Variants in BICD1 observed in about 807,000 individuals in gnomAD.
BICD1 encodes the protein protein bicaudal D homolog 1.
BICD1 carries 35 observed loss-of-function variants against 92.5 expected under a neutral mutation model. The observed-to-expected ratio is 0.38, with a 90% confidence interval of 0.29 to 0.50. The LOEUF (loss-of-function observed/expected upper bound fraction) is 0.50. BICD1 is among the 20% of genes least tolerant of loss of function. BICD1 has a pLI of 0.93. For missense variants in BICD1, 950 were observed against 1,189.8 expected (o/e 0.80, Z 2.97); for synonymous variants, 429 against 465.1 (o/e 0.92, Z 1.00).
intron 1 of BICD1, among the ~76,000 whole-genome samples, chr12:32,128,425 C>T (rs1464024565): frequency 2.6e-5 from 4 of 152,050 alleles, no homozygotes; most frequent in African/African-American, 9.7e-5. Context: ...GAATAAATGC[C>T]TGTACTAATT....
chr12:32,216,885 G>A (rs928560304), intron 2 of BICD1, among the ~76,000 whole-genome samples: 28 of 152,308 alleles, frequency 1.8e-4, no homozygotes, highest in African/African-American at 6.7e-4. Flanking sequence ...GACAGCCTAG[G>A]CGAGTGTCCT....
chr12:32,255,966 T>C (rs1346555028), intron 2 of BICD1, among the ~76,000 whole-genome samples: 2 of 152,200 alleles, frequency 1.3e-5, no homozygotes, highest in African/African-American at 4.8e-5. Context: ...TTAATTATTA[T>C]TAATTTATCA....
At chr12:32,336,071 C>G (rs941463273) in intron 6 of BICD1, among the ~76,000 whole-genome samples, 1 of 152,218 alleles carries the variant, frequency 6.6e-6, no homozygotes, top group Admixed American at 6.5e-5. Context: ...GATCACACCA[C>G]TGTACTCCAG....
chr12:32,107,612 G>T, intron 1 of BICD1, 68 bp downstream of exon 1: 1 of 1,472,848 alleles, frequency 6.8e-7, no homozygotes, highest in Non-Finnish European at 9.2e-7. Flanking sequence ...CACTCATCAT[G>T]ATCAAGAAGT....
At chr12:32,315,372 T>C (rs1948471123) in intron 4 of BICD1, among the ~76,000 whole-genome samples, 2 of 152,216 alleles carry the variant, frequency 1.3e-5, no homozygotes, top group Non-Finnish European at 2.9e-5. Context: ...TATAGTTTTT[T>C]TGTAGCAATT....
At position 32,313,723 on chromosome 12, in the gene BICD1, C is replaced by T. The variant is rs1280930989; in HGVS notation, c.1005+7601C>T. On this transcript the variant is annotated intron_variant, in intron 4 of 9. Transcript: ENST00000652176. This position sits in a 1 kb window ranked among gnomAD's most constrained non-coding sequence, Gnocchi z 4.2. ...GGGCGCAGTGGCTCATACCTGTAAT[C>T]CCAGCACTTCGGAAGGCTGAGGCAG... 6.6e-6 allele frequency among the ~76,000 whole-genome samples: 1 copy of T among 152,200 alleles called. No homozygotes were observed. Among genetic ancestry groups the T allele is most frequent in the Non-Finnish European group, 1.5e-5 (1 of 68,034 alleles).
At chr12:32,214,195 A>G (rs1370220458) in intron 1 of BICD1, among the ~76,000 whole-genome samples, 2 of 152,186 alleles carry the variant, frequency 1.3e-5, no homozygotes, top group African/African-American at 2.4e-5. Context: ...TAACTCTGGC[A>G]TCACAAGATG....
intron 8 of BICD1, among the ~76,000 whole-genome samples, chr12:32,360,078 G>A (rs1293610699): frequency 2.0e-5 from 3 of 151,974 alleles, no homozygotes; most frequent in Non-Finnish European, 4.4e-5. Context: ...CCAGCTACTC[G>A]GGAGGCTGAG....
At chr12:32,225,881 C>G (rs1458922334) in intron 2 of BICD1, among the ~76,000 whole-genome samples, 1 of 152,042 alleles carries the variant, frequency 6.6e-6, no homozygotes, top group Non-Finnish European at 1.5e-5. Context: ...CTCGGCCTCC[C>G]AAAATGCTGA....
chr12:32,238,816 C>T (rs191882076), intron 2 of BICD1, among the ~76,000 whole-genome samples: 5 of 151,260 alleles, frequency 3.3e-5, no homozygotes, highest in African/African-American at 1.2e-4. Flanking sequence ...CATGGTGGCA[C>T]GCCTGTAATC....
At chr12:32,222,362 A>G (rs917062299) in intron 2 of BICD1, among the ~76,000 whole-genome samples, 2 of 152,208 alleles carry the variant, frequency 1.3e-5, no homozygotes, top group African/African-American at 4.8e-5. Flanking sequence ...TACGTGCCTT[A>G]ACTGCTGAAT....
At chr12:32,155,029 T>A (rs1214735998) in intron 1 of BICD1, among the ~76,000 whole-genome samples, 1 of 7,140 alleles carries the variant, frequency 1.4e-4, no homozygotes, top group Non-Finnish European at 2.6e-4. Flanking sequence ...TACTCTGAAG[T>A]GCTGCTTTTT....
At chr12:32,309,238 T>TA (rs1392162547) in intron 4 of BICD1, among the ~76,000 whole-genome samples, 1 of 152,176 alleles carries the variant, frequency 6.6e-6, no homozygotes, top group Non-Finnish European at 1.5e-5. Flanking sequence ...TTAAAAATAA[T>TA]ATGGCAAGTC....
At chr12:32,298,409 A>G (rs1269858967) in intron 3 of BICD1, among the ~76,000 whole-genome samples, 2 of 151,340 alleles carry the variant, frequency 1.3e-5, no homozygotes, top group African/African-American at 4.9e-5. Context: ...AAAATATAAA[A>G]AAGAAATTAG....
chr12:32,157,541 T>A (rs113287596), intron 1 of BICD1, among the ~76,000 whole-genome samples: 1 of 152,128 alleles, frequency 6.6e-6, no homozygotes, highest in African/African-American at 2.4e-5. Flanking sequence ...CTAAAAGTGA[T>A]CAATCAAGGG....
At chr12:32,233,097 A>G (rs1260392357) in intron 2 of BICD1, among the ~76,000 whole-genome samples, 1 of 152,128 alleles carries the variant, frequency 6.6e-6, no homozygotes, top group Non-Finnish European at 1.5e-5. Context: ...CAAGGCGGGC[A>G]TATCACTTGA....
rs1448656310 is a variant in BICD1 at position 32,230,816 on chromosome 12, T to A, written c.426+14357T>A. ...TCAGAGAGTTGCAGGGGAAACAGTG[T>A]CCCCAAGGGAGAGTCAGGTTTCTGT... On this transcript the variant is annotated intron_variant, in intron 2 of 9. Transcript: ENST00000652176. 4.6e-5 allele frequency among the ~76,000 whole-genome samples: 7 copies of A among 151,536 alleles called. No individual in the cohort carries two copies. The Admixed American group carries it at 4.6e-4, about 10-fold the overall frequency.
chr12:32,108,421 T>C (rs2089281745), intron 1 of BICD1: 1 of 340,076 alleles, frequency 2.9e-6, no homozygotes, highest in African/African-American at 2.1e-5. Flanking sequence ...TGATTTCCTA[T>C]CAGTCACTCT....
intron 1 of BICD1, among the ~76,000 whole-genome samples, chr12:32,126,478 C>T (rs889769535): frequency 5.3e-5 from 8 of 151,886 alleles, no homozygotes; most frequent in Admixed American, 3.3e-4. Flanking sequence ...AGTTGCTGGC[C>T]GGGTATGGTG....
Sources: allele counts gnomAD v4.1 joint callset (sites outside exome capture counted in the v4.1 genomes callset), GRCh38; gene constraint gnomAD v4.1.1; non-coding constraint Gnocchi (gnomAD v3.1); transcripts MANE v1.5; gene names NCBI Gene and HGNC (gene_info 2026-07-23, HGNC 2026-07-21).